The following TANC1 variants were observed in gnomAD, a reference collection of about 807,000 sequenced individuals.
TANC1 encodes the protein tetratricopeptide repeat, ankyrin repeat and coiled-coil containing 1, also known as protein TANC1.
TANC1 carries 77 observed loss-of-function variants against 149.7 expected under a neutral mutation model. The observed-to-expected ratio is 0.51, with a 90% CI of 0.43 to 0.62. The LOEUF is 0.62. Among genes scored for constraint, TANC1 ranks in the 20% least tolerant of loss-of-function variants. TANC1 has a pLI of 0.00. For missense variants in TANC1, 1,985 were observed against 2,321.8 expected (o/e 0.85, Z 2.98); for synonymous variants, 854 against 925.0 (o/e 0.92, Z 1.39).
At chr2:159,068,117 G>GTT (rs1253537674) in intron 3 of TANC1, among the ~76,000 whole-genome samples, 1 of 152,168 alleles carries the variant, frequency 6.6e-6, no homozygotes. Flanking sequence ...GTTGTATTAG[G>GTT]CTAGCAACAA....
In TANC1 at chr2:159,122,599, C is replaced by T. The variant is rs116276321; in HGVS notation, c.260-13595C>T. 7.2e-3 allele frequency among the ~76,000 whole-genome samples: 1,103 copies of T among 152,258 alleles called. 16 individuals are homozygous for T. Among genetic ancestry groups the T allele is most frequent in the African/African-American group, 0.025 (1,021 of 41,548 alleles). ...TCATGCTGCTCCTTTGTAGTCAACA[C>T]CCAACTCCTGACAACCCCTGAACTG... On this transcript the variant is annotated intron_variant, in intron 4 of 26. Transcript: ENST00000263635.
intron 2 of TANC1, among the ~76,000 whole-genome samples, chr2:159,029,574 T>C (rs1045627794): frequency 2.0e-5 from 3 of 152,198 alleles, no homozygotes; most frequent in African/African-American, 7.2e-5. Flanking sequence ...TGCCTTATAA[T>C]TATTTTTTAG....
At chr2:159,225,100 G>C (rs2059935683) in intron 23 of TANC1, 1 of 160,038 alleles carries the variant, frequency 6.2e-6, no homozygotes, top group African/African-American at 2.4e-5. Flanking sequence ...TGATTTTACA[G>C]ATGAGGAAAC....
chr2:159,010,845 A>G (rs1466506093), intron 2 of TANC1, among the ~76,000 whole-genome samples: 5 of 152,020 alleles, frequency 3.3e-5, no homozygotes, highest in Non-Finnish European at 7.4e-5. Flanking sequence ...TTATTGGAAT[A>G]ATCTCCTAAA....
chr2:158,987,838 C>T (rs1048867708), intron 1 of TANC1, among the ~76,000 whole-genome samples: 3 of 152,176 alleles, frequency 2.0e-5, no homozygotes, highest in Admixed American at 1.3e-4. Context: ...GAGCTAGTAC[C>T]ACTCTGAATC....
intron 19 of TANC1, among the ~76,000 whole-genome samples, chr2:159,206,328 G>C (rs956744814): frequency 6.6e-6 from 1 of 152,132 alleles, no homozygotes; most frequent in Non-Finnish European, 1.5e-5. Flanking sequence ...GAGGGGGCTG[G>C]GTTTGTCCAT....
At chr2:159,128,063 T>C (rs2049662465) in intron 4 of TANC1, among the ~76,000 whole-genome samples, 1 of 152,264 alleles carries the variant, frequency 6.6e-6, no homozygotes, top group Non-Finnish European at 1.5e-5. Flanking sequence ...AGGTGACTTT[T>C]GTGTTTTCTT....
intron 2 of TANC1, among the ~76,000 whole-genome samples, chr2:159,034,733 A>T (rs1232930344): frequency 6.6e-6 from 1 of 152,224 alleles, no homozygotes; most frequent in African/African-American, 2.4e-5. Context: ...TTCCTCTGTT[A>T]TGTAAGCTTG....
chr2:159,095,700 C>T (rs962257985), intron 3 of TANC1, among the ~76,000 whole-genome samples: 3 of 142,286 alleles, frequency 2.1e-5, no homozygotes, highest in South Asian at 2.2e-4. Flanking sequence ...CGTGCCACTG[C>T]ACTCCAGCCT....
rs10586189 is a variant in TANC1, at chr2:159,011,527, ATTTTTTTT to A, written c.-16+10354_-16+10361del. Among the ~76,000 whole-genome samples the A allele has an allele frequency of 9.8e-4, 105 of 106,746 alleles. 1 individual carries two copies. The highest frequency in any genetic ancestry group is 3.0e-3 in the African/African-American group (85 of 28,318). 70.0% of individuals were successfully genotyped at this position (106,746 alleles called of 152,430 possible). A position where few individuals can be genotyped will look rare whatever the true frequency, so the allele number is the denominator to read the frequency against. Reference sequence around the variant, plus strand: ...ATGTGGAATTCAAATTACACCTTAAATTTTTTTTTTTTTTTTTTTTTTTGCCAAGACAA... The same window carrying A: ...ATGTGGAATTCAAATTACACCTTAAATTTTTTTTTTTTTTTGCCAAGACAA... On this transcript the variant is annotated intron_variant, in intron 2 of 26. Transcript: ENST00000263635.
At chr2:159,037,233 T>G (rs2040262420) in intron 2 of TANC1, among the ~76,000 whole-genome samples, 1 of 152,214 alleles carries the variant, frequency 6.6e-6, no homozygotes, top group Non-Finnish European at 1.5e-5. Context: ...GAAAATTTGC[T>G]TAAGTTCTTT....
intron 1 of TANC1, among the ~76,000 whole-genome samples, chr2:158,999,824 C>T (rs1014976031): frequency 2.0e-5 from 3 of 152,158 alleles, no homozygotes; most frequent in Non-Finnish European, 2.9e-5. Flanking sequence ...CACTTTGATT[C>T]GCAATGGACA....
At chr2:159,128,094 CTT>C (rs2150139986) in intron 4 of TANC1, among the ~76,000 whole-genome samples, 1 of 152,272 alleles carries the variant, frequency 6.6e-6, no homozygotes, top group African/African-American at 2.4e-5. Context: ...AGGTGACACA[CTT>C]TTTTGTCTTC....
At chr2:159,219,975 AGAGTGTGTGTGTGTGTGTGTGT>A (rs1208719720) in intron 22 of TANC1, 108 bp downstream of exon 22, 30 of 748,272 alleles carry the variant, frequency 4.0e-5, no homozygotes, top group South Asian at 9.8e-5. Flanking sequence ...GTGTCATCAG[AGAGTGTGTGTGTGTGTGTGTGT>A]GTGTGTGTGT....
intron 2 of TANC1, among the ~76,000 whole-genome samples, chr2:159,033,249 GGTGGGATCCAA>G (rs1001275436): frequency 1.2e-4 from 18 of 152,160 alleles, no homozygotes; most frequent in Non-Finnish European, 2.5e-4. Context: ...GTGTCGGGAG[GGTGGGATCCAA>G]GTGGGATTCA....
chr2:159,046,345 G>C (rs2041038908), intron 2 of TANC1, among the ~76,000 whole-genome samples: 2 of 152,148 alleles, frequency 1.3e-5, no homozygotes, highest in Admixed American at 1.3e-4. Flanking sequence ...GTGAGTTTCA[G>C]TTTTGAAGTT....
At chr2:158,972,673 A>G (rs2033073378) in intron 1 of TANC1, among the ~76,000 whole-genome samples, 1 of 152,158 alleles carries the variant, frequency 6.6e-6, no homozygotes. Flanking sequence ...TCTCAGAGGA[A>G]TGTCTTTTCA....
At chr2:159,210,062 C>T (rs2058879544) in intron 19 of TANC1, among the ~76,000 whole-genome samples, 1 of 152,214 alleles carries the variant, frequency 6.6e-6, no homozygotes, top group Non-Finnish European at 1.5e-5. Flanking sequence ...CTGCCCTGCC[C>T]TGCCCGCAGT....
rs181875915 is a variant in TANC1, at chr2:159,178,570, G to A, written c.1917G>A (p.Ala639=). The A allele has an allele frequency of 3.6e-5, 57 of 1,580,720 alleles. No individual in the cohort carries two copies. The highest frequency in any genetic ancestry group is 1.7e-4 in the Middle Eastern group (1 of 5,862). The change falls in exon 14 of 27, where the codon GCG becomes GCA. Residue 639 remains alanine, a synonymous_variant. Transcript: ENST00000263635. ...TTCTCCCCCAGGAAATCATAAGTGC[G>A]CTGCCATTTGTCAAGCTTTCCTTAG... is the stretch of plus-strand genomic sequence containing the variant. ...VRANFQEIIS[A]LPFVKLSLDD...
Sources: gnomAD v4.1 joint callset for allele counts (sites outside exome capture counted in the v4.1 genomes callset) on GRCh38, gnomAD v4.1.1 for gene constraint, MANE v1.5 for transcripts, NCBI Gene and HGNC (gene_info 2026-07-23, HGNC 2026-07-21) for gene names.